DCST2: variants seen among roughly 807,000 people sequenced by gnomAD.
The protein encoded by DCST2 is DC-STAMP domain containing 2.
In DCST2, 64 loss-of-function variants were observed where a neutral mutation model predicts 81.8. The observed-to-expected ratio is 0.78, with a 90% CI of 0.64 to 0.96. The LOEUF (loss-of-function observed/expected upper bound fraction) is 0.96. Ranked by LOEUF, DCST2 falls within the 40% of genes least tolerant of loss-of-function variation. DCST2 has a pLI of 0.00. For synonymous variants in DCST2, 354 were observed against 402.6 expected (o/e 0.88, Z 1.44); for missense variants, 945 against 1,001.4 (o/e 0.94, Z 0.76).
chr1:155,027,793 C>A (rs1052128425), intron 8 of DCST2, among the ~76,000 whole-genome samples: 4 of 149,888 alleles, frequency 2.7e-5, no homozygotes, highest in Admixed American at 1.3e-4. Context: ...GAACTCCTGA[C>A]CTTAGGTGAT....
At chr1:155,024,804 A>G (rs894253864) in intron 10 of DCST2, among the ~76,000 whole-genome samples, 1 of 152,176 alleles carries the variant, frequency 6.6e-6, no homozygotes, top group Non-Finnish European at 1.5e-5. Flanking sequence ...TTTCCATAAC[A>G]CTTTTATTCA....
chr1:155,029,111 C>T, intron 8 of DCST2, 122 bp downstream of exon 8: 1 of 1,197,360 alleles, frequency 8.4e-7, no homozygotes, highest in Non-Finnish European at 1.2e-6. Context: ...TGGGGACATT[C>T]AGGCAGTCAC....
In DCST2 at chr1:155,026,418, C is replaced by T; in HGVS notation, c.1511-16G>A. ...TACATGACGCCTGGGAGCACAGCAG[C>T]CACAGTCAGCCTCACCAGCAGGCAC... On this transcript the variant is annotated splice_polypyrimidine_tract_variant and intron_variant, in intron 9 of 14. Transcript: ENST00000368424. The T allele has an allele frequency of 6.2e-7, 1 of 1,613,696 alleles. No homozygotes were observed. The highest frequency in any genetic ancestry group is 1.1e-5 in the South Asian group (1 of 91,066).
At position 155,023,929 on chromosome 1, in the gene DCST2, G is replaced by A. The variant is rs758992444; in HGVS notation, c.1773C>T (p.His591=). 4 of 1,613,434 alleles carry A rather than the reference G, an allele frequency of 2.5e-6. No individual in the cohort carries two copies. Among genetic ancestry groups the A allele is most frequent in the Non-Finnish European group, 3.4e-6 (4 of 1,179,912 alleles). Residue 591 remains histidine (H), a synonymous_variant, in exon 12 of 15, where the codon CAC becomes CAT. Coordinates refer to ENST00000368424, the MANE Select transcript of DCST2 (RefSeq NM_144622.3). ...GGCAGTAGGCCTGATGCAGCCAAAA[G>A]TGGCTGACAAATGGACCTAGGCAGG... ...RCPCLGPFVS[H]FWLHQAYCLG...
chr1:155,033,735 G>C lies in DCST2; in HGVS notation c.-34C>G. ...AGACCAAATGTCTGCCTGTCTCCAGGAGATGCCCGCTGACTTCTGTGCTCC... is the reference window on the plus strand; with the variant it reads ...AGACCAAATGTCTGCCTGTCTCCAGCAGATGCCCGCTGACTTCTGTGCTCC... On this transcript the variant is annotated 5_prime_UTR_variant, in exon 1 of 15. Coordinates refer to ENST00000368424, the MANE Select transcript of DCST2 (RefSeq NM_144622.3). 2 of 1,598,906 alleles carry C rather than the reference G, an allele frequency of 1.3e-6. No individual in the cohort carries two copies. The highest frequency in any genetic ancestry group is 1.7e-6 in the Non-Finnish European group (2 of 1,171,080).
At chr1:155,032,612 C>T (rs1660130154) in intron 3 of DCST2, 55 bp downstream of exon 3, 14 of 1,517,910 alleles carry the variant, frequency 9.2e-6, no homozygotes, top group East Asian at 2.3e-5. Flanking sequence ...CCACCGCACC[C>T]GGCCAGGACT....
At position 155,033,102 on chromosome 1, in the gene DCST2, G is replaced by C. The variant is rs917867322; in HGVS notation, c.431C>G (p.Pro144Arg). 7 of 1,575,894 alleles carry C rather than the reference G, an allele frequency of 4.4e-6. No homozygotes were observed. Among genetic ancestry groups the C allele is most frequent in the Middle Eastern group, 3.4e-4 (2 of 5,916 alleles). Residue 144 changes from proline to arginine, a missense_variant, in exon 2 of 15, where the codon CCT becomes CGT. Transcript: ENST00000368424. ...TAEVLQRAKQ[P>R]LVSALNKIKA... ...AGAGGTGGGGGACTTACTGACAAGA[G>C]GTTGCTTGGCCCTCTGTAGCACTTC...
intron 3 of DCST2, among the ~76,000 whole-genome samples, chr1:155,032,076 C>A (rs928409260): frequency 6.6e-6 from 1 of 152,160 alleles, no homozygotes; most frequent in African/African-American, 2.4e-5. Flanking sequence ...TCATTGCAAC[C>A]TCCGCCTCCT....
At position 155,029,396 on chromosome 1, in the gene DCST2, G is replaced by A. The variant is rs929088789; in HGVS notation, c.1179C>T (p.Gly393=). 1.9e-6 allele frequency: 3 copies of A among 1,613,604 alleles called. No homozygotes were observed. The highest frequency in any genetic ancestry group is 2.5e-6 in the Non-Finnish European group (3 of 1,179,776). The part of the protein sequence containing the change: ...AHEARRYIPP[G]SIFLSQWEKF... ...TCTCCCATTGGGACAAGAAGATGGA[G>A]CCTGAGCAGGAGTGGGATGGTCAGG... Residue 393 remains glycine (G), a splice_region_variant and synonymous_variant, in exon 8 of 15, where the codon GGC becomes GGT. Transcript: ENST00000368424.
rs201399069 is a variant in DCST2, at chr1:155,018,590, A to G, written c.2276T>C (p.Leu759Pro). 1,234 of 1,613,458 alleles carry G rather than the reference A, an allele frequency of 7.6e-4. No homozygotes were observed. The highest frequency in any genetic ancestry group is 1.0e-3 in the Admixed American group (61 of 59,986). ...AGGATCAGGAAGAGAGGGAGGTGAG[A>G]GAGGGACTGAGGGTTCTGAAGCTGG... ...PTPASEPSVP[L>P]SPPSLPDPSH... Residue 759 changes from leucine (L) to proline (P), a missense_variant, in exon 15 of 15, where the codon CTC (leucine) becomes CCC (proline). Physicochemically the swap from Leu to Pro is moderately conservative, Grantham distance 98. Transcript: ENST00000368424.
chr1:155,031,077 G>A (rs1050067095), intron 5 of DCST2, 92 bp downstream of exon 5: 20 of 1,333,102 alleles, frequency 1.5e-5, no homozygotes, highest in Admixed American at 7.3e-5. Flanking sequence ...TCCTTTATGG[G>A]CTGGGAGCAC....
At chr1:155,026,194 G>T (rs972411695) in intron 10 of DCST2, 108 bp downstream of exon 10, 5 of 981,484 alleles carry the variant, frequency 5.1e-6, no homozygotes, top group African/African-American at 4.9e-5. Flanking sequence ...AGAGGAGAGC[G>T]GGCTGGGGCT....
chr1:155,019,215 CCTT>C (rs1243030479), intron 14 of DCST2, among the ~76,000 whole-genome samples: 1 of 152,216 alleles, frequency 6.6e-6, no homozygotes, highest in Non-Finnish European at 1.5e-5. Context: ...GGCAGCTTAA[CCTT>C]CTCAAACCCA....
intron 3 of DCST2, 123 bp downstream of exon 3, chr1:155,032,543 CT>C (rs1660126472): frequency 4.2e-6 from 3 of 716,230 alleles, no homozygotes; most frequent in Non-Finnish European, 7.2e-6. Flanking sequence ...TCTCAAACTC[CT>C]GGGCTCAAGT....
At chr1:155,029,526 A>C in intron 7 of DCST2, 129 bp from the exon 8 acceptor site, 1 of 929,692 alleles carries the variant, frequency 1.1e-6, no homozygotes, top group Non-Finnish European at 1.6e-6. Context: ...ACGGAAAAGA[A>C]AAGAAGCTGT....
rs75680976 is a variant in DCST2 at position 155,033,665 on chromosome 1, C to A, written c.37G>T (p.Gly13Trp). ...KVMKDVVHPLGGEEPSMARAV... is the reference protein window; with the variant it reads ...KVMKDVVHPLWGEEPSMARAV... Reference sequence around the variant, plus strand: ...CTCGCCATGCTAGGCTCCTCTCCCCCCAAGGGGTGCACAACATCCTTCATG... The same window carrying A: ...CTCGCCATGCTAGGCTCCTCTCCCCACAAGGGGTGCACAACATCCTTCATG... The change falls in exon 1 of 15, where the codon GGG becomes TGG. Residue 13 changes from glycine to tryptophan, a missense_variant. By Grantham distance (184) the Gly-to-Trp change is radical. Transcript: ENST00000368424. 170 of 1,614,162 alleles carry A rather than the reference C, an allele frequency of 1.1e-4. 1 individual carries two copies. Among genetic ancestry groups the A allele is most frequent in the South Asian group, 1.0e-3 (93 of 91,084 alleles).
At position 155,030,085 on chromosome 1, in the gene DCST2, C is replaced by G; in HGVS notation, c.1176G>C (p.Pro392=). The G allele has an allele frequency of 6.2e-7, 1 of 1,613,130 alleles. No homozygotes were observed. Among genetic ancestry groups the G allele is most frequent in the East Asian group, 2.2e-5 (1 of 44,866 alleles). The part of the protein sequence containing the change: ...SAHEARRYIP[P]GSIFLSQWEK... ...TCTCCCTGTCCTCAGGGCCCTCACC[C>G]GGTGGGATGTAGCGCCTGGCCTCGT... The change falls in exon 7 of 15, where the codon CCG becomes CCC. Residue 392 remains proline (P), a splice_region_variant and synonymous_variant. Coordinates refer to ENST00000368424, the MANE Select transcript of DCST2 (RefSeq NM_144622.3).
intron 7 of DCST2, 77 bp downstream of exon 7, chr1:155,030,007 C>A: frequency 6.3e-7 from 1 of 1,588,922 alleles, no homozygotes; most frequent in Admixed American, 1.7e-5. Flanking sequence ...TGTGCAGGGG[C>A]TTAGGGGCAG....
At chr1:155,031,885 TGGCTGTGCTGTGTCC>T (rs1660097416) in intron 3 of DCST2, 114 bp from the exon 4 acceptor site, 1 of 1,122,814 alleles carries the variant, frequency 8.9e-7, no homozygotes, top group African/African-American at 1.5e-5. Context: ...GTCAGGGACC[TGGCTGTGCTGTGTCC>T]AGTGAACACT....
Sources: allele counts gnomAD v4.1 joint callset (sites outside exome capture counted in the v4.1 genomes callset), GRCh38; gene constraint gnomAD v4.1.1; transcripts MANE v1.5; gene names NCBI Gene and HGNC (gene_info 2026-07-23, HGNC 2026-07-21).